The following ZNF404 variants were observed in gnomAD, a reference collection of about 807,000 sequenced individuals.
ZNF404 encodes the protein zinc finger protein 404.
Under a neutral mutation model 7.3 loss-of-function variants are expected in ZNF404, and 7 were observed. That is an observed-to-expected ratio of 0.95 (90% confidence interval 0.54 to 1.79). The LOEUF is 1.79. Ranked by LOEUF, ZNF404 falls within the 40% of genes most tolerant of loss-of-function variation. The pLI, the probability that ZNF404 is intolerant of heterozygous loss-of-function variation, is 0.00. For synonymous variants in ZNF404, 191 were observed against 209.9 expected, an observed-to-expected ratio of 0.91 and a Z score of 0.78; for missense variants, 560 against 661.5, an observed-to-expected ratio of 0.85 and a Z score of 1.68.
Position 43,872,814 on chromosome 19 carries a change from T to A in ZNF404, c.1400A>T (p.Tyr467Phe). ...HQTIHTGLKPYVCKECKKAFR... is the reference protein window; with the variant it reads ...HQTIHTGLKPFVCKECKKAFR... ...GGCCTTCTTACATTCTTTACATACA[T>A]AGGGTTTCAAACCAGTATGAATTGT... Residue 467 changes from tyrosine (Y) to phenylalanine (F), a missense_variant, in exon 3 of 3, where the codon TAT (tyrosine) becomes TTT (phenylalanine). Tyr to Phe is a conservative substitution (Grantham distance 22). Transcript: ENST00000587539. This position sits in a 1 kb window ranked among gnomAD's most constrained non-coding sequence, Gnocchi z 4.4. The A allele has an allele frequency of 6.2e-7, 1 of 1,610,388 alleles. No homozygotes were observed. The highest frequency in any genetic ancestry group is 8.5e-7 in the Non-Finnish European group (1 of 1,177,800).
At position 43,872,866 on chromosome 19, in the gene ZNF404, G is replaced by C; in HGVS notation, c.1348C>G (p.Leu450Val). 6.2e-7 allele frequency: 1 copy of C among 1,607,746 alleles called. No homozygotes were observed. Among genetic ancestry groups the C allele is most frequent in the Non-Finnish European group, 8.5e-7 (1 of 1,176,438 alleles). ...TGATGATAAATTAGTTGAGAATTAA[G>C]TCTAAAGGTTTTTCCACATTCCTTA... The part of the protein sequence containing the change: ...ECKECGKTFR[L>V]NSQLIYHQTI... The change falls in exon 3 of 3, where the codon CTT becomes GTT. Residue 450 changes from leucine to valine, a missense_variant. Transcript: ENST00000587539. This position sits in a 1 kb window ranked among gnomAD's most constrained non-coding sequence, Gnocchi z 4.4.
intron 2 of ZNF404, among the ~76,000 whole-genome samples, chr19:43,878,625 C>T (rs1331205964): frequency 6.6e-6 from 1 of 152,084 alleles, no homozygotes; most frequent in African/African-American, 2.4e-5. Flanking sequence ...AAGGAAAGCA[C>T]CACCATATAG....
intron 1 of ZNF404, among the ~76,000 whole-genome samples, chr19:43,882,464 C>A (rs1311068478): frequency 6.6e-6 from 1 of 151,964 alleles, no homozygotes; most frequent in Non-Finnish European, 1.5e-5. Flanking sequence ...AGATACAACA[C>A]CAACAGTACA....
rs763084710 is a variant in ZNF404, at chr19:43,873,691, T to C, written c.523A>G (p.Ile175Val). The C allele has an allele frequency of 6.2e-7, 1 of 1,613,290 alleles. No individual in the cohort carries two copies. Reference protein sequence around the residue: ...GKAFVVFQHFIRHRKIHTDLK... With the variant: ...GKAFVVFQHFVRHRKIHTDLK... ...TCAGTGTGGATTTTTCGATGTCTAA[T>C]AAAATGCTGGAAAACTACAAATGCT... The change falls in exon 3 of 3, where the codon ATT (isoleucine) becomes GTT (valine). Residue 175 changes from isoleucine (I) to valine (V), a missense_variant. Ile to Val is a conservative substitution (Grantham distance 29). Coordinates refer to ENST00000587539, the MANE Select transcript of ZNF404 (RefSeq NM_001033719.3).
In ZNF404 at chr19:43,873,808, A is replaced by G; in HGVS notation, c.406T>C (p.Tyr136His). The change falls in exon 3 of 3, where the codon TAT becomes CAT. Residue 136 changes from tyrosine to histidine, a missense_variant. Transcript: ENST00000587539. ...TREKSYECKE[Y>H]KKGFRKYLHL... is the part of the protein sequence containing the mutation. ...AAATATTTTCTAAAGCCCTTCTTAT[A>G]TTCCTTACACTCATATGATTTCTCT... The G allele has an allele frequency of 6.3e-7, 1 of 1,592,314 alleles. No homozygotes were observed. Among genetic ancestry groups the G allele is most frequent in the Non-Finnish European group, 8.5e-7 (1 of 1,179,262 alleles).
chr19:43,882,751 A>C (rs1391892187), intron 1 of ZNF404, among the ~76,000 whole-genome samples: 1 of 151,378 alleles, frequency 6.6e-6, no homozygotes, highest in Non-Finnish European at 1.5e-5. Context: ...TGATAACAAA[A>C]CTGCACTCCA....
chr19:43,881,125 A>G (rs1971891784), intron 1 of ZNF404, among the ~76,000 whole-genome samples: 1 of 152,176 alleles, frequency 6.6e-6, no homozygotes, highest in South Asian at 2.1e-4. Context: ...CATAGCTAAC[A>G]TCACATTTGA....
At chr19:43,879,130 A>G (rs1411768820) in intron 2 of ZNF404, among the ~76,000 whole-genome samples, 1 of 152,212 alleles carries the variant, frequency 6.6e-6, no homozygotes, top group Non-Finnish European at 1.5e-5. Context: ...ATGTTCCAAG[A>G]AAACAGATGA....
rs773520114 is a variant in ZNF404 at position 43,872,541 on chromosome 19, G to A, written c.*14C>T. ...ACAGTAAAAATGTGCCATGGCTAAA[G>A]GCTTTCCCTCTCATTACATTAAGAG... is the stretch of plus-strand genomic sequence containing the variant. On this transcript the variant is annotated 3_prime_UTR_variant, in exon 3 of 3. Coordinates refer to ENST00000587539, the MANE Select transcript of ZNF404 (RefSeq NM_001033719.3). This position sits in a 1 kb window ranked among gnomAD's most constrained non-coding sequence, Gnocchi z 4.4. 1 of 1,564,234 alleles carries A rather than the reference G, an allele frequency of 6.4e-7. No homozygotes were observed.
At position 43,873,427 on chromosome 19, in the gene ZNF404, T is replaced by C. The variant is rs757373190; in HGVS notation, c.787A>G (p.Lys263Glu). 3.1e-6 allele frequency: 5 copies of C among 1,613,510 alleles called. No homozygotes were observed. The African/African-American group carries it at 6.7e-5, about 22-fold the overall frequency. ...TAGGGTTTCACACCATGATGAATTT[T>C]CTGATGCAGACACATATGTCGATAT... ...RLYRHMCLHQKIHHGVKPYKC... is the reference protein window; with the variant it reads ...RLYRHMCLHQEIHHGVKPYKC... The change falls in exon 3 of 3, where the codon AAA becomes GAA. Residue 263 changes from lysine (K) to glutamate (E), a missense_variant. Lys to Glu is a moderately conservative substitution (Grantham distance 56, BLOSUM62 1). Coordinates refer to ENST00000587539, the MANE Select transcript of ZNF404 (RefSeq NM_001033719.3).
chr19:43,880,029 A>G lies in ZNF404; in HGVS notation c.117T>C (p.Tyr39=). The change falls in exon 2 of 3, where the codon TAT becomes TAC. Residue 39 remains tyrosine (Y), a synonymous_variant. Coordinates refer to ENST00000587539, the MANE Select transcript of ZNF404 (RefSeq NM_001033719.3). Reference sequence around the variant, plus strand: ...TCTTACCCAATGAGACCAAGTTAGTATAATTCTCCAACATCACATCTCTGT... The same window carrying G: ...TCTTACCCAATGAGACCAAGTTAGTGTAATTCTCCAACATCACATCTCTGT... ...DLYRDVMLEN[Y]TNLVSLDFNF... 1 of 1,613,804 alleles carries G rather than the reference A, an allele frequency of 6.2e-7. No homozygotes were observed. Among genetic ancestry groups the G allele is most frequent in the Non-Finnish European group, 8.5e-7 (1 of 1,179,734 alleles).
intron 2 of ZNF404, among the ~76,000 whole-genome samples, chr19:43,877,891 T>C (rs996487479): frequency 1.3e-5 from 2 of 151,394 alleles, no homozygotes; most frequent in Non-Finnish European, 2.9e-5. Flanking sequence ...ATTTCATCCA[T>C]GTCCCTACAA....
At chr19:43,883,920 C>T (rs1313013685) in intron 1 of ZNF404, 36 bp downstream of exon 1, 1 of 1,596,414 alleles carries the variant, frequency 6.3e-7, no homozygotes, top group Non-Finnish European at 8.5e-7. Context: ...TAAAAAATCA[C>T]AATAAGTCAG....
intron 2 of ZNF404, among the ~76,000 whole-genome samples, chr19:43,878,091 T>C (rs1971864543): frequency 7.5e-6 from 1 of 133,388 alleles, no homozygotes; most frequent in Non-Finnish European, 1.6e-5. Context: ...CCTTTGGGTA[T>C]ATACCCAGTA....
Position 43,873,174 on chromosome 19 carries a change from C to G in ZNF404, c.1040G>C (p.Arg347Thr). ...GKGSSLLKHK[R>T]IHSSEKLYDC... ...ATAGAGTTTCTCACTACTATGAATT[C>G]TCTTATGTTTAAGAAGGCTTGAGCC... The change falls in exon 3 of 3, where the codon AGA becomes ACA. Residue 347 changes from arginine to threonine, a missense_variant. Arg to Thr is a moderately conservative substitution (Grantham distance 71). Coordinates refer to ENST00000587539, the MANE Select transcript of ZNF404 (RefSeq NM_001033719.3). 1 of 1,612,570 alleles carries G rather than the reference C, an allele frequency of 6.2e-7. No individual in the cohort carries two copies.
At chr19:43,880,222 G>A in intron 1 of ZNF404, 86 bp from the exon 2 acceptor site, 1 of 1,151,394 alleles carries the variant, frequency 8.7e-7, no homozygotes, top group Non-Finnish European at 1.2e-6. Flanking sequence ...GGGGCAATAT[G>A]TAAAAAGAAG....
intron 2 of ZNF404, among the ~76,000 whole-genome samples, chr19:43,878,341 G>A (rs1188626200): frequency 6.6e-6 from 1 of 152,064 alleles, no homozygotes; most frequent in East Asian, 1.9e-4. Context: ...CAGTGATGGT[G>A]AGCATTTTTT....
At chr19:43,878,254 G>C (rs1382354275) in intron 2 of ZNF404, among the ~76,000 whole-genome samples, 1 of 145,024 alleles carries the variant, frequency 6.9e-6, no homozygotes, top group Non-Finnish European at 1.5e-5. Flanking sequence ...GTTGTTTCCT[G>C]ACTTTTTAAT....
At chr19:43,875,658 G>T (rs1417626608) in intron 2 of ZNF404, among the ~76,000 whole-genome samples, 1 of 152,154 alleles carries the variant, frequency 6.6e-6, no homozygotes, top group African/African-American at 2.4e-5. Context: ...AGCAGCCTTT[G>T]AAATCTAATA....
Sources: allele counts gnomAD v4.1 joint callset (sites outside exome capture counted in the v4.1 genomes callset), GRCh38; gene constraint gnomAD v4.1.1; non-coding constraint Gnocchi (gnomAD v3.1); transcripts MANE v1.5; gene names NCBI Gene and HGNC (gene_info 2026-07-23, HGNC 2026-07-21).